The following SGCD variants were observed in gnomAD, a reference collection of about 807,000 sequenced individuals.
The protein encoded by SGCD is sarcoglycan delta.
Under a neutral mutation model 36.6 loss-of-function variants are expected in SGCD, and 18 were observed. That is an observed-to-expected ratio of 0.49 (90% CI 0.34 to 0.73). SGCD has a LOEUF of 0.73. SGCD is among the 30% of genes least tolerant of loss of function. The pLI, the probability that SGCD is intolerant of heterozygous loss-of-function variation, is 0.01. For missense variants in SGCD, 387 were observed against 346.7 expected, an observed-to-expected ratio of 1.12 and a Z score of -0.92; for synonymous variants, 133 against 130.6, an observed-to-expected ratio of 1.02 and a Z score of -0.12.
intron 1 of SGCD, among the ~76,000 whole-genome samples, chr5:156,026,161 G>C (rs1759222183): frequency 6.6e-6 from 1 of 152,110 alleles, no homozygotes; most frequent in Non-Finnish European, 1.5e-5. Context: ...TACTGTGGGT[G>C]GTAGGCAGCA....
intron 1 of SGCD, among the ~76,000 whole-genome samples, chr5:155,918,922 G>A (rs1232121467): frequency 6.6e-6 from 1 of 152,224 alleles, no homozygotes; most frequent in Non-Finnish European, 1.5e-5. Context: ...CCTGCTGGAA[G>A]CACATACTTT....
intron 1 of SGCD, among the ~76,000 whole-genome samples, chr5:156,107,622 A>G (rs1254791618): frequency 1.3e-5 from 2 of 152,144 alleles, no homozygotes; most frequent in Non-Finnish European, 2.9e-5. Context: ...CATCTCTTCC[A>G]TGAAGCTCTC....
chr5:156,743,079 C>A (rs939312537), intron 7 of SGCD, among the ~76,000 whole-genome samples: 2 of 150,522 alleles, frequency 1.3e-5, no homozygotes, highest in Admixed American at 6.6e-5. Flanking sequence ...CCTTATTCTG[C>A]AAAGCCATAC....
At chr5:156,259,350 G>T (rs1275234922) in intron 3 of SGCD, among the ~76,000 whole-genome samples, 1 of 151,798 alleles carries the variant, frequency 6.6e-6, no homozygotes, top group Non-Finnish European at 1.5e-5. Flanking sequence ...TATGTAATCT[G>T]TACACAAGTC....
At chr5:156,494,106 T>C (rs1243528459) in intron 3 of SGCD, among the ~76,000 whole-genome samples, 1 of 152,086 alleles carries the variant, frequency 6.6e-6, no homozygotes, top group Non-Finnish European at 1.5e-5. Context: ...ATGTGGGAGC[T>C]GGGGCCTGGA....
At chr5:156,267,457 C>T (rs1455717959) in intron 3 of SGCD, among the ~76,000 whole-genome samples, 2 of 152,166 alleles carry the variant, frequency 1.3e-5, no homozygotes, top group East Asian at 1.9e-4. Flanking sequence ...CATTAGCAAA[C>T]AGATTGGCCT....
chr5:156,250,806 A>G (rs1251156790), intron 3 of SGCD, among the ~76,000 whole-genome samples: 1 of 152,226 alleles, frequency 6.6e-6, no homozygotes, highest in East Asian at 1.9e-4. Flanking sequence ...ATGCCAATAA[A>G]AAATGAATCT....
chr5:156,455,863 G>C (rs1257366459), intron 3 of SGCD, among the ~76,000 whole-genome samples: 4 of 152,164 alleles, frequency 2.6e-5, no homozygotes, highest in African/African-American at 9.7e-5. Flanking sequence ...AATGCCACGT[G>C]AAGACAGAAA....
the SGCD span, among the ~76,000 whole-genome samples, chr5:155,825,833 C>G: frequency 5.3e-5 from 8 of 152,078 alleles, no homozygotes; most frequent in Non-Finnish European, 8.8e-5. Flanking sequence ...ACTGCAACCT[C>G]CACCTTCTGG....
intron 1 of SGCD, among the ~76,000 whole-genome samples, chr5:156,073,209 G>A (rs1313842920): frequency 2.0e-5 from 3 of 152,138 alleles, no homozygotes; most frequent in Admixed American, 1.3e-4. Flanking sequence ...CGGAGTAGAT[G>A]CAAAGTTAGG....
At chr5:156,137,573 A>C (rs1211801495) in intron 3 of SGCD, among the ~76,000 whole-genome samples, 2 of 152,134 alleles carry the variant, frequency 1.3e-5, no homozygotes, top group Non-Finnish European at 2.9e-5. Flanking sequence ...ACTATTTAAA[A>C]TGTGTTTAGC....
At chr5:156,105,554 T>G (rs1761624690) in intron 1 of SGCD, among the ~76,000 whole-genome samples, 1 of 152,248 alleles carries the variant, frequency 6.6e-6, no homozygotes, top group Admixed American at 6.5e-5. Context: ...ATTGTAGGTT[T>G]TCCTCACCAA....
intron 1 of SGCD, among the ~76,000 whole-genome samples, chr5:155,888,469 A>T (rs1756054449): frequency 6.6e-6 from 1 of 152,220 alleles, no homozygotes; most frequent in Non-Finnish European, 1.5e-5. Flanking sequence ...TCCAATATAG[A>T]TTTGATGTAA....
chr5:156,313,305 A>G (rs1767437649), intron 3 of SGCD, among the ~76,000 whole-genome samples: 2 of 152,156 alleles, frequency 1.3e-5, no homozygotes, highest in Non-Finnish European at 2.9e-5. Context: ...CAGATTTAAA[A>G]GAGAATTTTA....
At chr5:155,844,984 C>T in the SGCD span, among the ~76,000 whole-genome samples, 30 of 152,186 alleles carry the variant, frequency 2.0e-4, no homozygotes, top group African/African-American at 5.3e-4. Flanking sequence ...CCCATCAACC[C>T]GTCATCTACA....
intron 4 of SGCD, among the ~76,000 whole-genome samples, chr5:156,558,031 G>T (rs893765235): frequency 7.0e-6 from 1 of 142,596 alleles, no homozygotes; most frequent in Non-Finnish European, 1.5e-5. Context: ...TGGAAAAATG[G>T]GTTCAAAAAT....
chr5:156,550,026 A>T lies in SGCD; in HGVS notation c.295-39205A>T, dbSNP rs78310633. On this transcript the variant is annotated intron_variant, in intron 4 of 8. Coordinates refer to ENST00000337851, the MANE Select transcript of SGCD (RefSeq NM_000337.6). ...AAAGTGCCATGAGGTTTCTACCATT[A>T]TTATACCAGTTTCACAAATGGAAAA... Among the ~76,000 whole-genome samples, 205 of 152,324 alleles carry T rather than the reference A, an allele frequency of 1.3e-3. 6 individuals carry two copies. The East Asian group carries it at 0.036, about 27-fold the overall frequency.
At chr5:156,471,259 G>A (rs984811539) in intron 3 of SGCD, among the ~76,000 whole-genome samples, 12 of 152,076 alleles carry the variant, frequency 7.9e-5, no homozygotes, top group East Asian at 3.8e-4. Flanking sequence ...TGTTAATGCC[G>A]TCATGATCAG....
chr5:156,692,640 C>T (rs1194464167), intron 7 of SGCD, among the ~76,000 whole-genome samples: 1 of 152,172 alleles, frequency 6.6e-6, no homozygotes, highest in African/African-American at 2.4e-5. Context: ...GACATCATAG[C>T]ATTCACAAAC....
Sources: allele counts gnomAD v4.1 joint callset (sites outside exome capture counted in the v4.1 genomes callset), GRCh38; gene constraint gnomAD v4.1.1; transcripts MANE v1.5; gene names NCBI Gene and HGNC (gene_info 2026-07-23, HGNC 2026-07-21).